SORCS1: variants seen among roughly 807,000 people sequenced by gnomAD.
The protein encoded by SORCS1 is VPS10 domain-containing receptor SorCS1.
Under a neutral mutation model 146.1 loss-of-function variants are expected in SORCS1, and 60 were observed. That is an observed-to-expected ratio of 0.41 (90% CI 0.33 to 0.51). The LOEUF is 0.51. SORCS1 is among the 20% of genes least tolerant of loss of function. The pLI is 0.21. For synonymous variants in SORCS1, 637 were observed against 584.0 expected (o/e 1.09, Z -1.31); for missense variants, 1,352 against 1,487.6 (o/e 0.91, Z 1.50).
intron 1 of SORCS1, among the ~76,000 whole-genome samples, chr10:107,071,670 T>C (rs939351419): frequency 1.3e-5 from 2 of 152,214 alleles, no homozygotes; most frequent in African/African-American, 4.8e-5. Flanking sequence ...AAAGCACCCT[T>C]CAATTAGCAT....
In SORCS1 at chr10:107,089,105, T is replaced by G. The variant is rs577057430; in HGVS notation, c.558+74864A>C. Among the ~76,000 whole-genome samples the G allele has an allele frequency of 3.3e-5, 5 of 152,306 alleles. No homozygotes were observed. In the South Asian group the frequency reaches 1.0e-3, roughly 32 times the overall value. Reference sequence around the variant, plus strand: ...CAACTGCTAACCTCTAAAACATCAATAGTCATAATCACCCAAAGCCAAATT... The same window carrying G: ...CAACTGCTAACCTCTAAAACATCAAGAGTCATAATCACCCAAAGCCAAATT... On this transcript the variant is annotated intron_variant, in intron 1 of 25. Coordinates refer to ENST00000263054, the MANE Select transcript of SORCS1 (RefSeq NM_052918.5).
intron 1 of SORCS1, among the ~76,000 whole-genome samples, chr10:107,045,852 C>G (rs1419029741): frequency 6.8e-6 from 1 of 147,178 alleles, no homozygotes; most frequent in Non-Finnish European, 1.5e-5. Flanking sequence ...GGCATAACAA[C>G]AGTGTACTAC....
chr10:107,137,281 C>G (rs995125076), intron 1 of SORCS1, among the ~76,000 whole-genome samples: 1 of 152,154 alleles, frequency 6.6e-6, no homozygotes, highest in African/African-American at 2.4e-5. Context: ...TGTACTGATC[C>G]TACTGGGTCC....
At chr10:107,098,037 A>G (rs1287542524) in intron 1 of SORCS1, among the ~76,000 whole-genome samples, 1 of 152,232 alleles carries the variant, frequency 6.6e-6, no homozygotes, top group Non-Finnish European at 1.5e-5. Context: ...GCAAAGCACT[A>G]TTGTGATAAG....
chr10:107,071,187 C>G (rs1232722317), intron 1 of SORCS1, among the ~76,000 whole-genome samples: 5 of 149,726 alleles, frequency 3.3e-5, no homozygotes, highest in Admixed American at 2.0e-4. Flanking sequence ...TCCGCAGCAC[C>G]AGCCTTTACG....
At chr10:107,040,580 C>T (rs146552146) in intron 1 of SORCS1, among the ~76,000 whole-genome samples, 24 of 152,276 alleles carry the variant, frequency 1.6e-4, no homozygotes, top group African/African-American at 5.8e-4. Flanking sequence ...AGAAAAGCAC[C>T]TTTCTGAATT....
chr10:106,991,880 G>A (rs553612411), intron 1 of SORCS1, among the ~76,000 whole-genome samples: 1 of 152,128 alleles, frequency 6.6e-6, no homozygotes, highest in Non-Finnish European at 1.5e-5. Context: ...CTATGTAAAC[G>A]TCTCATTAAT....
chr10:107,068,939 G>T (rs901122982), intron 1 of SORCS1, among the ~76,000 whole-genome samples: 9 of 151,210 alleles, frequency 6.0e-5, no homozygotes, highest in Non-Finnish European at 1.3e-4. Flanking sequence ...CATCGCCCAA[G>T]TACAATAAGC....
At chr10:106,751,931 TC>T (rs1858278728) in intron 5 of SORCS1, among the ~76,000 whole-genome samples, 1 of 152,100 alleles carries the variant, frequency 6.6e-6, no homozygotes, top group African/African-American at 2.4e-5. Flanking sequence ...AAACTTATCT[TC>T]TAGAAGGAAA....
Position 107,164,300 on chromosome 10 carries a change from G to A in SORCS1, c.227C>T (p.Pro76Leu). The stretch of plus-strand genomic sequence containing the variant: ...GTCCCCGGGGGCCACTGAGAACAGG[G>A]GACGCACTACGAGGGGCAGGGGCGT... Reference protein sequence around the residue: ...PATPLPLVVRPLFSVAPGDRA... With the variant: ...PATPLPLVVRLLFSVAPGDRA... The change falls in exon 1 of 26, where the codon CCC becomes CTC. Residue 76 changes from proline (P) to leucine (L), a missense_variant. Pro to Leu is a moderately conservative substitution (Grantham distance 98). This residue lies in a region of SORCS1 where 490 missense variants were observed against 489.1 expected (regional missense o/e 1.00). Transcript: ENST00000263054. The surrounding 1 kb of genome is among the most constrained non-coding windows in gnomAD (Gnocchi z 6.8). The A allele has an allele frequency of 6.3e-7, 1 of 1,586,448 alleles. No individual in the cohort carries two copies. Among genetic ancestry groups the A allele is most frequent in the Non-Finnish European group, 8.5e-7 (1 of 1,170,556 alleles).
intron 3 of SORCS1, among the ~76,000 whole-genome samples, chr10:106,826,361 A>T (rs1202029501): frequency 6.6e-6 from 1 of 152,234 alleles, no homozygotes; most frequent in Non-Finnish European, 1.5e-5. Flanking sequence ...GAATTAATAC[A>T]ACTTTTTAAA....
At chr10:106,890,825 T>A (rs923732020) in intron 2 of SORCS1, among the ~76,000 whole-genome samples, 25 of 146,148 alleles carry the variant, frequency 1.7e-4, no homozygotes, top group Admixed American at 1.0e-3. Flanking sequence ...TTTTTTTTTT[T>A]AACTGGGAAA....
chr10:107,008,630 C>T (rs1450679111), intron 1 of SORCS1, among the ~76,000 whole-genome samples: 1 of 152,144 alleles, frequency 6.6e-6, no homozygotes, highest in African/African-American at 2.4e-5. Flanking sequence ...TAAGAAAGTA[C>T]ATTCTGCATA....
At chr10:106,836,171 A>G (rs528822264) in intron 2 of SORCS1, among the ~76,000 whole-genome samples, 1 of 152,114 alleles carries the variant, frequency 6.6e-6, no homozygotes, top group South Asian at 2.1e-4. Context: ...AGCCTGCTTA[A>G]GACTACAGAA....
chr10:106,605,948 C>T (rs1055773760), intron 23 of SORCS1, among the ~76,000 whole-genome samples: 10 of 152,110 alleles, frequency 6.6e-5, no homozygotes, highest in African/African-American at 2.4e-4. Flanking sequence ...GACTAAAGAT[C>T]ATGGGGCTAG....
chr10:107,121,629 A>G (rs1465106302), intron 1 of SORCS1, among the ~76,000 whole-genome samples: 1 of 152,208 alleles, frequency 6.6e-6, no homozygotes, highest in Non-Finnish European at 1.5e-5. Flanking sequence ...AAAAAAAAAA[A>G]TCACAGGGTA....
intron 3 of SORCS1, among the ~76,000 whole-genome samples, chr10:106,792,502 C>T (rs1245249526): frequency 6.6e-6 from 1 of 152,176 alleles, no homozygotes; most frequent in Admixed American, 6.5e-5. Context: ...TTGAAACAAA[C>T]CTCAAGAGAG....
chr10:106,654,551 G>C (rs1262396393), intron 17 of SORCS1, among the ~76,000 whole-genome samples: 1 of 152,178 alleles, frequency 6.6e-6, no homozygotes, highest in Non-Finnish European at 1.5e-5. Context: ...GGGCCTCCTT[G>C]TGTTCCAGAT....
intron 5 of SORCS1, among the ~76,000 whole-genome samples, chr10:106,733,921 C>T (rs918840645): frequency 1.3e-5 from 2 of 152,124 alleles, no homozygotes; most frequent in Non-Finnish European, 2.9e-5. Flanking sequence ...CTTAATACAC[C>T]GGACTCCCAA....
Sources: allele counts gnomAD v4.1 joint callset (sites outside exome capture counted in the v4.1 genomes callset), GRCh38; gene constraint gnomAD v4.1.1; regional missense constraint gnomAD v4.1.1; non-coding constraint Gnocchi (gnomAD v3.1); transcripts MANE v1.5; gene names NCBI Gene and HGNC (gene_info 2026-07-23, HGNC 2026-07-21).